GPR162: variants seen among roughly 807,000 people sequenced by gnomAD.
GPR162 encodes probable G protein-coupled receptor 162.
GPR162 carries 26 observed loss-of-function variants against 44.9 expected under a neutral mutation model. The observed-to-expected ratio is 0.58, with a 90% CI of 0.42 to 0.80. GPR162 has a LOEUF of 0.80. GPR162 is among the 30% of genes least tolerant of loss of function. The pLI is 0.00. For synonymous variants in GPR162, 363 were observed against 335.2 expected (o/e 1.08, Z -0.91); for missense variants, 704 against 802.3 (o/e 0.88, Z 1.48).
At position 6,822,959 on chromosome 12, in the gene GPR162, G is replaced by T. The variant is rs1943303844; in HGVS notation, c.-431-509G>T. Among the ~76,000 whole-genome samples the T allele has an allele frequency of 6.6e-6, 1 of 152,186 alleles. No individual in the cohort carries two copies. The highest frequency in any genetic ancestry group is 2.1e-4 in the South Asian group (1 of 4,830). On this transcript the variant is annotated intron_variant, in intron 1 of 4. Transcript: ENST00000311268. The surrounding 1 kb of genome is among the most constrained non-coding windows in gnomAD (Gnocchi z 4.2). ...CAGACTCCTTTCTCCCATTTTCCCA[G>T]ATATGGGTAGCTGGAGGGTGATCAC...
At position 6,827,408 on chromosome 12, in the gene GPR162, T is replaced by C; in HGVS notation, c.*204T>C. 1 of 580,956 alleles carries C rather than the reference T, an allele frequency of 1.7e-6. No individual in the cohort carries two copies. Among genetic ancestry groups the C allele is most frequent in the South Asian group, 2.1e-5 (1 of 46,572 alleles). The allele number at this position is 580,956 out of a possible 1,614,324, so 36.0% of individuals were successfully genotyped here. A position where few individuals can be genotyped will look rare whatever the true frequency, so the allele number is the denominator to read the frequency against. On this transcript the variant is annotated 3_prime_UTR_variant, in exon 5 of 5. Transcript: ENST00000311268. Reference sequence around the variant, plus strand: ...TAGCAATATGTATTAAAGTCTGAAGTGTTGCCATGGAAACCTCAGTGTCCA... The same window carrying C: ...TAGCAATATGTATTAAAGTCTGAAGCGTTGCCATGGAAACCTCAGTGTCCA...
At position 6,825,522 on chromosome 12, in the gene GPR162, C is replaced by G. The variant is rs1412307906; in HGVS notation, c.906C>G (p.Pro302=). The G allele has an allele frequency of 6.2e-7, 1 of 1,611,922 alleles. No homozygotes were observed. Among genetic ancestry groups the G allele is most frequent in the Non-Finnish European group, 8.5e-7 (1 of 1,179,408 alleles). ...TCTCCCTCAAGTCGGACTCGGCGCC[C>G]CCCTGGATGGTGCTGGCTGTGCTGT... ...SFFSLKSDSA[P]PWMVLAVLWC... The change falls in exon 3 of 5, where the codon CCC becomes CCG. Residue 302 remains proline (P), a synonymous_variant. Transcript: ENST00000311268.
At position 6,826,694 on chromosome 12, in the gene GPR162, C is replaced by T. The variant is rs781798047; in HGVS notation, c.1257C>T (p.Ile419=). The part of the protein sequence containing the change: ...SRRLSHDETN[I]FSTPREPGSF... ...GTCTGTCCCATGATGAGACAAACAT[C>T]TTCTCTACCCCTCGGGAACCAGGCT... The change falls in exon 5 of 5, where the codon ATC becomes ATT. Residue 419 remains isoleucine, a synonymous_variant. Transcript: ENST00000311268. 1.3e-6 allele frequency: 2 copies of T among 1,534,900 alleles called. No individual in the cohort carries two copies. Among genetic ancestry groups the T allele is most frequent in the Non-Finnish European group, 1.7e-6 (2 of 1,144,616 alleles).
chr12:6,823,979 G>A lies in GPR162; in HGVS notation c.81G>A (p.Ala27=), dbSNP rs144509916. The change falls in exon 2 of 5, where the codon GCG becomes GCA. Residue 27 remains alanine, a synonymous_variant. Coordinates refer to ENST00000311268, the MANE Select transcript of GPR162 (RefSeq NM_019858.2). ...ALSWLACGLL[A]LLANAWIILS... ...CCTGGCTGGCCTGTGGGCTCCTGGC[G>A]CTGCTGGCCAATGCCTGGATCATCC... is the stretch of plus-strand genomic sequence containing the variant. 635 of 1,603,310 alleles carry A rather than the reference G, an allele frequency of 4.0e-4. 3 individuals carry two copies. The South Asian group carries it at 5.3e-3, about 13-fold the overall frequency.
chr12:6,823,774 G>A lies in GPR162; in HGVS notation c.-125G>A, dbSNP rs782088732. The A allele has an allele frequency of 1.4e-5, 22 of 1,613,152 alleles. No homozygotes were observed. The highest frequency in any genetic ancestry group is 1.5e-5 in the Non-Finnish European group (18 of 1,179,456). On this transcript the variant is annotated 5_prime_UTR_variant, in exon 2 of 5. Transcript: ENST00000311268. Reference sequence around the variant, plus strand: ...ATGCTGAGCACTGGGGTGAGCCTGGGGGCAGCCTGCCTGCTGACAGGGCGA... The same window carrying A: ...ATGCTGAGCACTGGGGTGAGCCTGGAGGCAGCCTGCCTGCTGACAGGGCGA...
At chr12:6,825,194 C>T (rs1555119822) in intron 2 of GPR162, 2 of 550,094 alleles carry the variant, frequency 3.6e-6, no homozygotes, top group African/African-American at 3.8e-5. Context: ...CACCCCACCA[C>T]CCCATCTAGT....
Position 6,826,831 on chromosome 12 carries a change from A to G in GPR162, c.1394A>G (p.Glu465Gly). 1 of 1,605,392 alleles carries G rather than the reference A, an allele frequency of 6.2e-7. No homozygotes were observed. Among genetic ancestry groups the G allele is most frequent in the Non-Finnish European group, 8.5e-7 (1 of 1,174,014 alleles). ...YLGQRHRLEDEEDEEEAEGGG... is the reference protein window; with the variant it reads ...YLGQRHRLEDGEDEEEAEGGG... Reference sequence around the variant, plus strand: ...GGACAAAGACACAGGTTGGAGGACGAGGAGGACGAGGAAGAGGCTGAAGGT... The same window carrying G: ...GGACAAAGACACAGGTTGGAGGACGGGGAGGACGAGGAAGAGGCTGAAGGT... The change falls in exon 5 of 5, where the codon GAG (glutamate) becomes GGG (glycine). Residue 465 changes from glutamate (E) to glycine (G), a missense_variant. By Grantham distance (98) the Glu-to-Gly change is moderately conservative. Coordinates refer to ENST00000311268, the MANE Select transcript of GPR162 (RefSeq NM_019858.2).
Position 6,825,222 on chromosome 12 carries a change from T to G in GPR162, c.868-262T>G, listed in dbSNP as rs1392230873. 11 of 567,662 alleles carry G rather than the reference T, an allele frequency of 1.9e-5. No homozygotes were observed. The East Asian group carries it at 2.4e-4, about 12-fold the overall frequency. The allele number at this position is 567,662 out of a possible 1,614,324, so 35.2% of individuals were successfully genotyped here. The stretch of plus-strand genomic sequence containing the variant: ...CATCTAGTCACTGTTCCTGGGTTCC[T>G]GTCTGTCTCTACGGTTCCTGGTCCA... On this transcript the variant is annotated intron_variant, in intron 2 of 4. Transcript: ENST00000311268.
At chr12:6,825,871 C>T (rs1434350810) in intron 3 of GPR162, among the ~76,000 whole-genome samples, 198 bp downstream of exon 3, 1 of 152,184 alleles carries the variant, frequency 6.6e-6, no homozygotes, top group African/African-American at 2.4e-5. Flanking sequence ...GCTCCCTTCA[C>T]TGGGCCTAGG....
chr12:6,826,815 C>G lies in GPR162; in HGVS notation c.1378C>G (p.His460Asp). ...GGPPEYLGQR[H>D]RLEDEEDEEE... ...TCCTCCTGAGTACCTGGGACAAAGA[C>G]ACAGGTTGGAGGACGAGGAGGACGA... The change falls in exon 5 of 5, where the codon CAC becomes GAC. Residue 460 changes from histidine to aspartate, a missense_variant. Transcript: ENST00000311268. The G allele has an allele frequency of 6.2e-7, 1 of 1,610,060 alleles. No individual in the cohort carries two copies. Among genetic ancestry groups the G allele is most frequent in the Non-Finnish European group, 8.5e-7 (1 of 1,178,008 alleles).
At position 6,827,377 on chromosome 12, in the gene GPR162, C is replaced by T; in HGVS notation, c.*173C>T. On this transcript the variant is annotated 3_prime_UTR_variant, in exon 5 of 5. Transcript: ENST00000311268. ...ACCAGATGCCCTACTCAGCTTCCATCACCCCTAGCAATATGTATTAAAGTC... is the reference window on the plus strand; with the variant it reads ...ACCAGATGCCCTACTCAGCTTCCATTACCCCTAGCAATATGTATTAAAGTC... 1 of 606,278 alleles carries T rather than the reference C, an allele frequency of 1.6e-6. No homozygotes were observed. Among genetic ancestry groups the T allele is most frequent in the Non-Finnish European group, 2.9e-6 (1 of 342,638 alleles). 37.6% of individuals were successfully genotyped at this position (606,278 alleles called of 1,614,324 possible).
intron 4 of GPR162, 61 bp from the exon 5 acceptor site, chr12:6,826,592 G>T: frequency 7.0e-7 from 1 of 1,428,164 alleles, no homozygotes; most frequent in Non-Finnish European, 9.4e-7. Context: ...GTCCCCACTT[G>T]GTTCCTGCCT....
rs782764652 is a variant in GPR162 at position 6,826,863 on chromosome 12, C to T, written c.1426C>T (p.Leu476=). ...EDEEEAEGGG[L]ASLRQFLESG... ...CGAGGAAGAGGCTGAAGGTGGGGGG[C>T]TGGCCAGCCTTCGCCAATTCTTGGA... Residue 476 remains leucine, a synonymous_variant, in exon 5 of 5, where the codon CTG becomes TTG. Transcript: ENST00000311268. The T allele has an allele frequency of 3.7e-6, 6 of 1,612,488 alleles. No homozygotes were observed. The highest frequency in any genetic ancestry group is 2.2e-5 in the South Asian group (2 of 90,982).
In GPR162 at chr12:6,827,113, G is replaced by C; in HGVS notation, c.1676G>C (p.Arg559Pro). The C allele has an allele frequency of 1.2e-6, 2 of 1,613,052 alleles. No homozygotes were observed. Among genetic ancestry groups the C allele is most frequent in the Non-Finnish European group, 1.7e-6 (2 of 1,179,712 alleles). ...GLPLGLSAGR[R>P]CSLTGGEESA... ...CCTTTGGGACTAAGCGCAGGGAGAC[G>C]CTGCTCCCTGACGGGGGGTGAAGAA... Residue 559 changes from arginine (R) to proline (P), a missense_variant, in exon 5 of 5, where the codon CGC becomes CCC. Physicochemically the swap from Arg to Pro is moderately radical, Grantham distance 103. Transcript: ENST00000311268.
chr12:6,823,382 A>T, intron 1 of GPR162, 86 bp from the exon 2 acceptor site: 1 of 255,846 alleles, frequency 3.9e-6, no homozygotes, highest in Non-Finnish European at 7.4e-6. Context: ...TATAGTTTCA[A>T]GAAAGGGGGC....
rs781947185 is a variant in GPR162, at chr12:6,827,058, G to C, written c.1621G>C (p.Gly541Arg). ...CCTCTCACCCCGCCGACTCTCCCTT[G>C]GGTCCCCTGAGAGCAGAGCCGTTGG... ...LGLSPRRLSL[G>R]SPESRAVGLP... Residue 541 changes from glycine to arginine, a missense_variant, in exon 5 of 5, where the codon GGG (glycine) becomes CGG (arginine). Transcript: ENST00000311268. 6 of 1,613,422 alleles carry C rather than the reference G, an allele frequency of 3.7e-6. No individual in the cohort carries two copies. The highest frequency in any genetic ancestry group is 5.1e-6 in the Non-Finnish European group (6 of 1,180,042).
chr12:6,823,664 A>G lies in GPR162; in HGVS notation c.-235A>G. 1 of 1,170,048 alleles carries G rather than the reference A, an allele frequency of 8.5e-7. No individual in the cohort carries two copies. The highest frequency in any genetic ancestry group is 1.2e-6 in the Non-Finnish European group (1 of 806,792). The allele number at this position is 1,170,048 out of a possible 1,614,324, so 72.5% of individuals were successfully genotyped here. ...GGGATGCTTAAGGAAGGCCCCGCCC[A>G]GTATGAAAGCTGAGGATTGCCTCTG... On this transcript the variant is annotated 5_prime_UTR_variant, in exon 2 of 5. Transcript: ENST00000311268.
chr12:6,825,180 G>A, intron 2 of GPR162: 1 of 541,140 alleles, frequency 1.8e-6, no homozygotes, highest in East Asian at 3.3e-5. Context: ...AATCCCACAG[G>A]GCTCACCCCA....
At chr12:6,825,217 G>C in intron 2 of GPR162, 1 of 564,766 alleles carries the variant, frequency 1.8e-6, no homozygotes, top group South Asian at 2.0e-5. Context: ...CTGTTCCTGG[G>C]TTCCTGTCTG....
Sources: allele counts gnomAD v4.1 joint callset (sites outside exome capture counted in the v4.1 genomes callset), GRCh38; gene constraint gnomAD v4.1.1; non-coding constraint Gnocchi (gnomAD v3.1); transcripts MANE v1.5; gene names NCBI Gene and HGNC (gene_info 2026-07-23, HGNC 2026-07-21).